The following GLI2 variants were observed in gnomAD, a reference collection of about 807,000 sequenced individuals.
The protein encoded by GLI2 is GLI family zinc finger 2, also known as transcription activator GLI2.
Under a neutral mutation model 78.9 loss-of-function variants are expected in GLI2, and 22 were observed. The ratio of observed to expected loss-of-function variants is 0.28; its 90% CI spans 0.20 to 0.40. The LOEUF (loss-of-function observed/expected upper bound fraction) is 0.40, where lower values mean the gene tolerates loss of function less well. Among genes scored for constraint, GLI2 ranks in the 10% least tolerant of loss-of-function variants. The probability of loss-of-function intolerance (pLI) is 1.00; values close to 1 mark genes in which losing one functional copy is unlikely to be tolerated. For missense variants in GLI2, 2,097 were observed against 2,213.2 expected (o/e 0.95, Z 1.05); for synonymous variants, 974 against 963.7 (o/e 1.01, Z -0.20).
At chr2:120,821,687 T>C (rs1053208912) in intron 2 of GLI2, among the ~76,000 whole-genome samples, 5 of 152,308 alleles carry the variant, frequency 3.3e-5, no homozygotes, top group South Asian at 2.1e-4. Flanking sequence ...GTGCATAGAC[T>C]TGGGGACTAT....
intron 2 of GLI2, among the ~76,000 whole-genome samples, chr2:120,799,883 G>A (rs1319632500): frequency 2.0e-5 from 3 of 152,332 alleles, no homozygotes; most frequent in East Asian, 1.9e-4. Flanking sequence ...GCGGAAGGAG[G>A]TGCCTGGAAG....
At position 120,989,780 on chromosome 2, in the gene GLI2, C is replaced by T. The variant is rs762925931; in HGVS notation, c.3815C>T (p.Ala1272Val). ...HLGHPQQTEV[A>V]PDPTTMGNRH... ...GGGCACCCTCAGCAGACAGAAGTGG[C>T]ACCTGACCCCACCACGATGGGCAAT... The change falls in exon 14 of 14, where the codon GCA becomes GTA. Residue 1272 changes from alanine (A) to valine (V), a missense_variant. Ala to Val is a moderately conservative substitution (Grantham distance 64). Coordinates refer to ENST00000361492, the MANE Select transcript of GLI2 (RefSeq NM_001374353.1). The T allele has an allele frequency of 1.2e-6, 2 of 1,610,670 alleles. No individual in the cohort carries two copies. Among genetic ancestry groups the T allele is most frequent in the South Asian group, 1.1e-5 (1 of 90,732 alleles).
chr2:120,850,305 ACAG>A (rs1687336938), intron 2 of GLI2, among the ~76,000 whole-genome samples: 1 of 152,140 alleles, frequency 6.6e-6, no homozygotes. Context: ...GGAGAACAGA[ACAG>A]AACAGAACAG....
At chr2:120,947,614 T>C (rs998575008) in intron 3 of GLI2, among the ~76,000 whole-genome samples, 2 of 152,114 alleles carry the variant, frequency 1.3e-5, no homozygotes, top group Non-Finnish European at 2.9e-5. Context: ...ATATTCCAAA[T>C]TGGCTTGTTG....
chr2:120,797,440 G>GGCA lies in GLI2; in HGVS notation c.129_131dup (p.Ala44dup). ...CCTCTCCTTTGGTGGTGGCTGCAGC[G>GGCA]GCAGCAGCAGCGGTAGCTGCCCAAG... On this transcript the variant is annotated inframe_insertion, in exon 2 of 14. Coordinates refer to ENST00000361492, the MANE Select transcript of GLI2 (RefSeq NM_001374353.1). 2.5e-6 allele frequency: 4 copies of GGCA among 1,613,820 alleles called. No individual in the cohort carries two copies. The highest frequency in any genetic ancestry group is 1.7e-6 in the Non-Finnish European group (2 of 1,179,754).
At position 120,968,739 on chromosome 2, in the gene GLI2, G is replaced by T; in HGVS notation, c.669G>T (p.Val223=). The T allele has an allele frequency of 6.2e-7, 1 of 1,613,534 alleles. No individual in the cohort carries two copies. The part of the protein sequence containing the change: ...VDVSRFSSPR[V]TPRLSRKRAL... ...TGTCCCGTTTCTCCAGCCCGCGGGT[G>T]ACGCCCCGCCTGAGCCGCAAGCGGG... Residue 223 remains valine, a synonymous_variant, in exon 6 of 14, where the codon GTG becomes GTT. Transcript: ENST00000361492.
At chr2:120,784,802 C>T (rs985880248) in intron 1 of GLI2, among the ~76,000 whole-genome samples, 4 of 152,156 alleles carry the variant, frequency 2.6e-5, no homozygotes, top group African/African-American at 9.7e-5. Context: ...TTGACTCCCT[C>T]AGGTTAGCAA....
At chr2:120,983,816 A>G (rs529816139) in intron 11 of GLI2, among the ~76,000 whole-genome samples, 1 of 152,344 alleles carries the variant, frequency 6.6e-6, no homozygotes, top group South Asian at 2.1e-4. Context: ...AAGAAGTTAG[A>G]GGAATTTTCA....
At position 120,990,544 on chromosome 2, in the gene GLI2, C is replaced by G; in HGVS notation, c.4579C>G (p.Leu1527Val). 1 of 1,614,140 alleles carries G rather than the reference C, an allele frequency of 6.2e-7. No individual in the cohort carries two copies. The highest frequency in any genetic ancestry group is 1.3e-5 in the African/African-American group (1 of 75,038). ...CAGCCTCTCCCAGAACTCCTCCCGC[C>G]TCACCACCCCCCGAAACTCCTTGAC... ...LHSLSQNSSR[L>V]TTPRNSLTLP... Residue 1527 changes from leucine (L) to valine (V), a missense_variant, in exon 14 of 14, where the codon CTC becomes GTC. By Grantham distance (32) the Leu-to-Val change is conservative. Coordinates refer to ENST00000361492, the MANE Select transcript of GLI2 (RefSeq NM_001374353.1).
chr2:120,946,792 G>T (rs776718829), intron 3 of GLI2, among the ~76,000 whole-genome samples: 4 of 152,226 alleles, frequency 2.6e-5, no homozygotes, highest in African/African-American at 9.6e-5. Flanking sequence ...AGAAAGAGGG[G>T]CACTGGACCC....
At chr2:120,822,052 G>A (rs539086811) in intron 2 of GLI2, among the ~76,000 whole-genome samples, 10 of 152,348 alleles carry the variant, frequency 6.6e-5, no homozygotes, top group East Asian at 3.9e-4. Flanking sequence ...GGCTAAGACC[G>A]GGCGGTGGGC....
intron 2 of GLI2, among the ~76,000 whole-genome samples, chr2:120,799,533 G>A (rs1684585674): frequency 6.6e-6 from 1 of 152,216 alleles, no homozygotes; most frequent in Admixed American, 6.5e-5. Context: ...GGGGAGAGCA[G>A]CTGTCCCTGC....
At chr2:120,967,561 G>T (rs921244617) in intron 5 of GLI2, among the ~76,000 whole-genome samples, 3 of 152,202 alleles carry the variant, frequency 2.0e-5, no homozygotes, top group African/African-American at 7.2e-5. Context: ...CTCTTGTCTG[G>T]GGCAAGCCCT....
intron 2 of GLI2, among the ~76,000 whole-genome samples, chr2:120,854,711 G>A (rs908516311): frequency 6.6e-6 from 1 of 152,248 alleles, no homozygotes; most frequent in Non-Finnish European, 1.5e-5. Flanking sequence ...CTTCTTGAGT[G>A]CTCGCTGTTT....
At chr2:120,933,865 TG>T (rs1558894117) in intron 3 of GLI2, among the ~76,000 whole-genome samples, 13 of 147,592 alleles carry the variant, frequency 8.8e-5, no homozygotes, top group Non-Finnish European at 2.0e-4. Context: ...TGCCCTGCCC[TG>T]CCCTGCCCTG....
intron 2 of GLI2, among the ~76,000 whole-genome samples, chr2:120,832,946 C>T (rs1457042024): frequency 6.6e-6 from 1 of 152,058 alleles, no homozygotes; most frequent in Non-Finnish European, 1.5e-5. Context: ...TGGAAAGGAC[C>T]TTCCTGCCTG....
intron 2 of GLI2, among the ~76,000 whole-genome samples, chr2:120,881,282 T>A (rs1677101790): frequency 6.6e-6 from 1 of 152,156 alleles, no homozygotes. Flanking sequence ...AGTATCTCCT[T>A]GTGAAAGGCC....
chr2:120,816,464 G>C (rs979054380), intron 2 of GLI2, among the ~76,000 whole-genome samples: 4 of 151,448 alleles, frequency 2.6e-5, no homozygotes, highest in Non-Finnish European at 4.4e-5. Context: ...CAAAGTGCTG[G>C]GATTACAGGC....
chr2:120,782,612 A>T (rs1419648525), intron 1 of GLI2, among the ~76,000 whole-genome samples: 1 of 152,210 alleles, frequency 6.6e-6, no homozygotes, highest in African/African-American at 2.4e-5. Flanking sequence ...CCCTGGGAGG[A>T]TATTCACTCA....
Sources: allele counts gnomAD v4.1 joint callset (sites outside exome capture counted in the v4.1 genomes callset), GRCh38; gene constraint gnomAD v4.1.1; transcripts MANE v1.5; gene names NCBI Gene and HGNC (gene_info 2026-07-23, HGNC 2026-07-21).